The following POR variants were observed in gnomAD, a reference collection of about 807,000 sequenced individuals.
POR encodes cytochrome p450 oxidoreductase, also known as NADPH--cytochrome P450 reductase.
POR carries 56 observed loss-of-function variants against 84.0 expected under a neutral mutation model. The ratio of observed to expected loss-of-function variants is 0.67; its 90% confidence interval spans 0.54 to 0.83. The LOEUF is 0.83. Among genes scored for constraint, POR ranks in the 40% least tolerant of loss-of-function variants. The pLI is 0.00. For missense variants in POR, 938 were observed against 944.3 expected (o/e 0.99, Z 0.09); for synonymous variants, 414 against 400.5 (o/e 1.03, Z -0.40).
At chr7:75,980,981 C>A in intron 5 of POR, 67 bp from the exon 6 acceptor site, 1 of 1,478,938 alleles carries the variant, frequency 6.8e-7, no homozygotes, top group Non-Finnish European at 9.0e-7. Flanking sequence ...TCCCGCCCTG[C>A]CCCCATGGCC....
chr7:75,978,122 G>A (rs1788782168), intron 3 of POR, among the ~76,000 whole-genome samples: 1 of 152,198 alleles, frequency 6.6e-6, no homozygotes, highest in Non-Finnish European at 1.5e-5. Flanking sequence ...CCCATTTAGG[G>A]ACCCTCGGTA....
intron 1 of POR, among the ~76,000 whole-genome samples, chr7:75,943,512 T>C (rs1350750959): frequency 6.6e-6 from 1 of 152,192 alleles, no homozygotes; most frequent in Non-Finnish European, 1.5e-5. Context: ...TCACATATAA[T>C]AGATTCAAAT....
At chr7:75,975,281 G>A (rs782721189) in intron 3 of POR, among the ~76,000 whole-genome samples, 6 of 151,978 alleles carry the variant, frequency 3.9e-5, no homozygotes, top group Non-Finnish European at 8.8e-5. Context: ...TTACATAGCT[G>A]TCTAAACACC....
chr7:75,979,426 C>T, intron 3 of POR, 25 bp from the exon 4 acceptor site: 3 of 1,610,020 alleles, frequency 1.9e-6, no homozygotes, highest in Non-Finnish European at 2.5e-6. Flanking sequence ...GTGGCCCTCA[C>T]CAACCCTGTG....
In POR at chr7:75,983,566, C is replaced by T. The variant is rs782427303; in HGVS notation, c.877C>T (p.Arg293Trp). The change falls in exon 9 of 16, where the codon CGG becomes TGG. Residue 293 changes from arginine to tryptophan, a missense_variant. Coordinates refer to ENST00000461988, the MANE Select transcript of POR (RefSeq NM_000941.3). ...GTTCCTGGCTGCAGTCACCACCAAC[C>T]GGAAGCTGAACCAGGGAACCGAGCG... The T allele has an allele frequency of 8.1e-6, 13 of 1,613,006 alleles. No individual in the cohort carries two copies. The highest frequency in any genetic ancestry group is 2.2e-5 in the South Asian group (2 of 91,092).
chr7:75,972,269 G>A, intron 2 of POR, 144 bp from the exon 3 acceptor site: 1 of 732,840 alleles, frequency 1.4e-6, no homozygotes, highest in East Asian at 2.7e-5. Context: ...CCCCTGGGGA[G>A]TGGCACGGGA....
intron 1 of POR, among the ~76,000 whole-genome samples, chr7:75,916,266 G>T (rs1419430349): frequency 6.6e-6 from 1 of 152,182 alleles, no homozygotes; most frequent in Non-Finnish European, 1.5e-5. Flanking sequence ...TAAGCAGAAC[G>T]TTTATGGAAC....
At chr7:75,958,961 T>G (rs532474099) in intron 2 of POR, among the ~76,000 whole-genome samples, 1 of 152,252 alleles carries the variant, frequency 6.6e-6, no homozygotes, top group Non-Finnish European at 1.5e-5. Flanking sequence ...GATGAGCATT[T>G]CTTATCTGAA....
intron 2 of POR, among the ~76,000 whole-genome samples, chr7:75,971,263 A>G (rs1788429786): frequency 6.6e-6 from 1 of 152,084 alleles, no homozygotes; most frequent in Non-Finnish European, 1.5e-5. Flanking sequence ...GCCCGACCAA[A>G]AATGTCATTT....
chr7:75,981,234 G>T, intron 6 of POR, 62 bp downstream of exon 6: 1 of 1,475,694 alleles, frequency 6.8e-7, no homozygotes, highest in Admixed American at 2.3e-5. Flanking sequence ...CGTGGAACGT[G>T]AGGGGCGCGC....
chr7:75,933,389 T>C (rs1402506947), intron 1 of POR, among the ~76,000 whole-genome samples: 1 of 90,914 alleles, frequency 1.1e-5, no homozygotes, highest in Non-Finnish European at 1.9e-5. Flanking sequence ...TTTTTTTTTT[T>C]TTTTTTTTTT....
At chr7:75,972,387 G>A (rs979071500) in intron 2 of POR, 26 bp from the exon 3 acceptor site, 4 of 1,603,090 alleles carry the variant, frequency 2.5e-6, no homozygotes, top group East Asian at 2.2e-5. Context: ...TGCCTCCCAC[G>A]CTCATTGCAC....
intron 2 of POR, among the ~76,000 whole-genome samples, chr7:75,955,773 A>G (rs899601276): frequency 9.2e-5 from 14 of 152,134 alleles, no homozygotes; most frequent in African/African-American, 3.4e-4. Context: ...CTGTCATGTC[A>G]GTTCCAGTCC....
At chr7:75,932,438 TC>T (rs1380639239) in intron 1 of POR, among the ~76,000 whole-genome samples, 3 of 152,128 alleles carry the variant, frequency 2.0e-5, no homozygotes, top group Non-Finnish European at 1.5e-5. Context: ...TGCCTCGGCC[TC>T]CCAAAGTGCT....
intron 1 of POR, among the ~76,000 whole-genome samples, chr7:75,939,224 A>G (rs1563406541): frequency 6.6e-6 from 1 of 152,196 alleles, no homozygotes; most frequent in African/African-American, 2.4e-5. Flanking sequence ...GTCCTTCGAC[A>G]TGACGTTTTT....
At chr7:75,983,277 GT>G (rs782084255) in intron 8 of POR, 1 of 446,248 alleles carries the variant, frequency 2.2e-6, no homozygotes, top group Non-Finnish European at 4.0e-6. Flanking sequence ...GGAGGCAGAG[GT>G]TGCAGTGAGC....
In POR at chr7:75,926,180, A is replaced by G. The variant is rs556755200; in HGVS notation, c.-5+11001A>G. On this transcript the variant is annotated intron_variant, in intron 1 of 15. Transcript: ENST00000461988. ...TTGGCGAGTTTTTCTTTCTTTTTGC[A>G]GAGATGGGGTCTTGCTATGTTGCCC... is the stretch of plus-strand genomic sequence containing the variant. Among the ~76,000 whole-genome samples, 32 of 139,174 alleles carry G rather than the reference A, an allele frequency of 2.3e-4. 1 individual carries two copies. In the South Asian group the frequency reaches 6.5e-3, roughly 28 times the overall value. The allele number at this position is 139,174 out of a possible 152,430, so 91.3% of individuals were successfully genotyped here.
rs782234860 is a variant in POR, at chr7:75,985,844, A to T, written c.1664A>T (p.Gln555Leu). Residue 555 changes from glutamine (Q) to leucine (L), a missense_variant, in exon 13 of 16, where the codon CAG becomes CTG. Gln to Leu is a moderately radical substitution (Grantham distance 113). Coordinates refer to ENST00000461988, the MANE Select transcript of POR (RefSeq NM_000941.3). ...ATCCAGGAGCGGGCCTGGCTGCGAC[A>T]GCAGGGTGAGTGGGGTCCCATGGGG... The T allele has an allele frequency of 2.6e-6, 4 of 1,550,208 alleles. No individual in the cohort carries two copies. In the South Asian group the frequency reaches 4.8e-5, roughly 19 times the overall value.
intron 1 of POR, chr7:75,946,821 C>T (rs1554552180): frequency 6.6e-6 from 1 of 152,208 alleles, no homozygotes; most frequent in Non-Finnish European, 1.5e-5. Context: ...GCAGAAGGCT[C>T]ACACAGGCTT....
Sources: gnomAD v4.1 joint callset for allele counts (sites outside exome capture counted in the v4.1 genomes callset) on GRCh38, gnomAD v4.1.1 for gene constraint, MANE v1.5 for transcripts, NCBI Gene and HGNC (gene_info 2026-07-23, HGNC 2026-07-21) for gene names.